The following TNRC6A variants were observed in gnomAD, a reference collection of about 807,000 sequenced individuals.
TNRC6A encodes the protein trinucleotide repeat-containing gene 6A protein.
Under a neutral mutation model 221.2 loss-of-function variants are expected in TNRC6A, and 44 were observed. The ratio of observed to expected loss-of-function variants is 0.20; its 90% CI spans 0.16 to 0.26. TNRC6A has a LOEUF of 0.26. TNRC6A is among the 10% of genes least tolerant of loss of function. The pLI, the probability that TNRC6A is intolerant of heterozygous loss-of-function variation, is 1.00. For missense variants in TNRC6A, 2,199 were observed against 2,404.4 expected (o/e 0.91, Z 1.79); for synonymous variants, 847 against 838.5 (o/e 1.01, Z -0.18).
At chr16:24,793,280 A>G (rs1326344933) in intron 6 of TNRC6A, 193 bp from the exon 7 acceptor site, 2 of 393,486 alleles carry the variant, frequency 5.1e-6, no homozygotes, top group Admixed American at 9.0e-5. Context: ...TTCTCACCTT[A>G]TATTAATGGG....
intron 2 of TNRC6A, among the ~76,000 whole-genome samples, chr16:24,642,613 T>C (rs1041738056): frequency 1.3e-5 from 2 of 151,960 alleles, no homozygotes; most frequent in Non-Finnish European, 2.9e-5. Flanking sequence ...AGCCCAGGAG[T>C]TCCAGACCAG....
chr16:24,748,198 G>T (rs2057054837), intron 2 of TNRC6A, among the ~76,000 whole-genome samples: 1 of 152,136 alleles, frequency 6.6e-6, no homozygotes, highest in Non-Finnish European at 1.5e-5. Context: ...TTTGCCCCCA[G>T]TTTTTTCATG....
intron 2 of TNRC6A, among the ~76,000 whole-genome samples, chr16:24,699,812 C>G (rs778568299): frequency 1.3e-4 from 19 of 151,870 alleles, no homozygotes; most frequent in Non-Finnish European, 2.5e-4. Flanking sequence ...CCACAGATAC[C>G]ATTTCTTTAA....
intron 2 of TNRC6A, among the ~76,000 whole-genome samples, chr16:24,648,203 C>T (rs1426671641): frequency 2.0e-5 from 3 of 151,218 alleles, no homozygotes; most frequent in Non-Finnish European, 4.4e-5. Context: ...TTGATATATA[C>T]TAAGAAGTGA....
chr16:24,750,679 ATTTC>A (rs753654087), intron 2 of TNRC6A, 43 bp from the exon 3 acceptor site: 5 of 1,470,752 alleles, frequency 3.4e-6, no homozygotes, highest in Non-Finnish European at 4.5e-6. Flanking sequence ...CATTATTTTT[ATTTC>A]TTAATACATT....
intron 5 of TNRC6A, among the ~76,000 whole-genome samples, chr16:24,778,819 A>C (rs2057780366): frequency 6.6e-6 from 1 of 152,128 alleles, no homozygotes; most frequent in African/African-American, 2.4e-5. Context: ...AGTCATTTGA[A>C]GTTCATCTGG....
At chr16:24,767,473 A>T (rs2057498017) in intron 4 of TNRC6A, among the ~76,000 whole-genome samples, 1 of 152,234 alleles carries the variant, frequency 6.6e-6, no homozygotes, top group African/African-American at 2.4e-5. Context: ...TTTCCCTTTT[A>T]AATTGGAATA....
intron 1 of TNRC6A, among the ~76,000 whole-genome samples, chr16:24,617,888 A>AT (rs902071992): frequency 3.7e-4 from 56 of 152,032 alleles, no homozygotes; most frequent in African/African-American, 1.3e-3. Flanking sequence ...ATTTGAATTA[A>AT]TTTTTTTATT....
At chr16:24,683,097 C>T (rs564848116) in intron 2 of TNRC6A, among the ~76,000 whole-genome samples, 7 of 152,244 alleles carry the variant, frequency 4.6e-5, no homozygotes, top group African/African-American at 9.6e-5. Context: ...GACCCCATGA[C>T]GAGCACAAAC....
chr16:24,789,011 CTGTTA>C (rs1425974855), intron 5 of TNRC6A, among the ~76,000 whole-genome samples: 2 of 152,150 alleles, frequency 1.3e-5, no homozygotes, highest in Admixed American at 6.5e-5. Flanking sequence ...TATCAAGGGG[CTGTTA>C]TGTCCTCTAG....
At chr16:24,704,543 T>C (rs2056054012) in intron 2 of TNRC6A, among the ~76,000 whole-genome samples, 1 of 151,262 alleles carries the variant, frequency 6.6e-6, no homozygotes, top group South Asian at 2.1e-4. Flanking sequence ...CACACACCTG[T>C]AATCCCAGCT....
chr16:24,795,661 A>G (rs1205691429), intron 8 of TNRC6A: 1 of 400,442 alleles, frequency 2.5e-6, no homozygotes, highest in Non-Finnish European at 4.4e-6. Flanking sequence ...ATTTGGCTGA[A>G]TTTGCCTATT....
At position 24,729,677 on chromosome 16, in the gene TNRC6A, G is replaced by A. The variant is rs1370070257; in HGVS notation, c.-165G>A. On this transcript the variant is annotated 5_prime_UTR_variant, in exon 1 of 25. Transcript: ENST00000395799. Reference sequence around the variant, plus strand: ...CTTCCGGTCTGGGGCCTGCGGCGGCGGCGGTGTCGGCGGCGGCGGCGGCGG... The same window carrying A: ...CTTCCGGTCTGGGGCCTGCGGCGGCAGCGGTGTCGGCGGCGGCGGCGGCGG... The A allele has an allele frequency of 5.4e-6, 4 of 733,966 alleles. No individual in the cohort carries two copies. The highest frequency in any genetic ancestry group is 1.8e-6 in the Non-Finnish European group (1 of 544,458). 45.5% of individuals were successfully genotyped at this position (733,966 alleles called of 1,614,324 possible). A position where few individuals can be genotyped will look rare whatever the true frequency, so the allele number is the denominator to read the frequency against.
intron 5 of TNRC6A, among the ~76,000 whole-genome samples, chr16:24,777,560 T>G (rs2057752107): frequency 6.6e-6 from 1 of 152,246 alleles, no homozygotes; most frequent in African/African-American, 2.4e-5. Flanking sequence ...TTATTTTAAT[T>G]ACTGATTCTC....
chr16:24,705,524 G>A (rs913986433), intron 2 of TNRC6A, among the ~76,000 whole-genome samples: 3 of 152,102 alleles, frequency 2.0e-5, no homozygotes, highest in Non-Finnish European at 2.9e-5. Flanking sequence ...TAGAGATGGC[G>A]TTTCGCCATG....
intron 2 of TNRC6A, among the ~76,000 whole-genome samples, chr16:24,658,542 A>G (rs535844512): frequency 1.6e-4 from 24 of 151,826 alleles, no homozygotes; most frequent in African/African-American, 5.1e-4. Flanking sequence ...TTGTATTTTT[A>G]GTAGAGACAG....
intron 4 of TNRC6A, among the ~76,000 whole-genome samples, chr16:24,764,229 C>T (rs1324797905): frequency 6.6e-6 from 1 of 151,632 alleles, no homozygotes; most frequent in Non-Finnish European, 1.5e-5. Context: ...CACTCAATGT[C>T]TTCCAGGTTC....
chr16:24,822,070 T>C lies in TNRC6A; in HGVS notation c.5303-7T>C, dbSNP rs1467225503. 1.2e-6 allele frequency: 2 copies of C among 1,614,098 alleles called. No individual in the cohort carries two copies. Among genetic ancestry groups the C allele is most frequent in the Non-Finnish European group, 1.7e-6 (2 of 1,179,960 alleles). On this transcript the variant is annotated splice_polypyrimidine_tract_variant and splice_region_variant and intron_variant, in intron 22 of 24. Coordinates refer to ENST00000395799, the MANE Select transcript of TNRC6A (RefSeq NM_014494.4). ...AAAACTGACTTGTCCTTTTTTTCCT[T>C]GTTTAGGTTCCAGCTGGGGTGAGAG...
chr16:24,651,559 A>C (rs13339309), intron 2 of TNRC6A, among the ~76,000 whole-genome samples: 27,405 of 139,878 alleles, frequency 0.2, 3,148 homozygotes, highest in African/African-American at 0.25. Flanking sequence ...AAAAAAAAAA[A>C]AAAAACATAA....
Sources: gnomAD v4.1 joint callset for allele counts (sites outside exome capture counted in the v4.1 genomes callset) on GRCh38, gnomAD v4.1.1 for gene constraint, MANE v1.5 for transcripts, NCBI Gene and HGNC (gene_info 2026-07-23, HGNC 2026-07-21) for gene names.